Variants in ZHX2 observed in about 807,000 individuals in gnomAD.
ZHX2 encodes zinc fingers and homeoboxes 2, also known as zinc fingers and homeoboxes protein 2.
ZHX2 carries 6 observed loss-of-function variants against 21.9 expected under a neutral mutation model. The ratio of observed to expected loss-of-function variants is 0.27; its 90% CI spans 0.15 to 0.54. ZHX2 has a LOEUF of 0.54. Ranked by LOEUF, ZHX2 falls within the 20% of genes least tolerant of loss-of-function variation. The pLI is 0.95. For missense variants in ZHX2, 908 were observed against 1,090.7 expected (o/e 0.83, Z 2.36); for synonymous variants, 434 against 437.1 (o/e 0.99, Z 0.09).
In ZHX2 at chr8:122,973,772, A is replaced by G. The variant is rs1384245671; in HGVS notation, c.*535A>G. On this transcript the variant is annotated 3_prime_UTR_variant, in exon 4 of 4. Transcript: ENST00000314393. Reference sequence around the variant, plus strand: ...TTTTAAAGGTAGGTTGAAATTTGGGAGATTTCTCGGCAGGAAGGGCTGAAA... The same window carrying G: ...TTTTAAAGGTAGGTTGAAATTTGGGGGATTTCTCGGCAGGAAGGGCTGAAA... 6.6e-6 allele frequency: 1 copy of G among 152,516 alleles called. No homozygotes were observed. The highest frequency in any genetic ancestry group is 1.5e-5 in the Non-Finnish European group (1 of 68,010). 9.4% of individuals were successfully genotyped at this position (152,516 alleles called of 1,614,324 possible).
At chr8:122,962,684 C>CT (rs1813485588) in intron 3 of ZHX2, among the ~76,000 whole-genome samples, 1 of 152,154 alleles carries the variant, frequency 6.6e-6, no homozygotes, top group Non-Finnish European at 1.5e-5. Context: ...ACTTTTAGTT[C>CT]TTTAAGGACT....
chr8:122,928,609 AC>A (rs1408221264), intron 2 of ZHX2, among the ~76,000 whole-genome samples: 1 of 152,168 alleles, frequency 6.6e-6, no homozygotes, highest in Admixed American at 6.6e-5. Context: ...GGATAAAGAG[AC>A]TTGGGAAGGA....
chr8:122,931,712 C>G (rs1373881304), intron 2 of ZHX2, among the ~76,000 whole-genome samples: 1 of 152,186 alleles, frequency 6.6e-6, no homozygotes, highest in Non-Finnish European at 1.5e-5. Context: ...CTACCAATAC[C>G]TGGCCCTACC....
At chr8:122,826,000 AAAG>A (rs1250596387) in intron 1 of ZHX2, among the ~76,000 whole-genome samples, 1 of 152,188 alleles carries the variant, frequency 6.6e-6, no homozygotes, top group Non-Finnish European at 1.5e-5. Context: ...TCTGCTCAGA[AAAG>A]AAGCCCATTA....
chr8:122,848,912 A>G (rs1300349936), intron 1 of ZHX2, among the ~76,000 whole-genome samples: 1 of 152,204 alleles, frequency 6.6e-6, no homozygotes, highest in Non-Finnish European at 1.5e-5. Flanking sequence ...GACTCTACGC[A>G]GTCCTGAGTG....
intron 1 of ZHX2, among the ~76,000 whole-genome samples, chr8:122,812,384 G>A (rs769696557): frequency 3.9e-5 from 6 of 152,150 alleles, no homozygotes; most frequent in South Asian, 4.1e-4. Flanking sequence ...CTTTCTTTAC[G>A]TGAATGCACT....
chr8:122,926,366 C>T (rs1820852227), intron 2 of ZHX2, among the ~76,000 whole-genome samples: 1 of 152,104 alleles, frequency 6.6e-6, no homozygotes, highest in Non-Finnish European at 1.5e-5. Context: ...TTGTGTGGTT[C>T]CTTAATTAAA....
chr8:122,802,981 G>A (rs955860004), intron 1 of ZHX2, among the ~76,000 whole-genome samples: 3 of 139,728 alleles, frequency 2.1e-5, no homozygotes, highest in Non-Finnish European at 4.6e-5. Context: ...CCCAGTTAGC[G>A]CTCTAGGGGA....
chr8:122,862,166 T>C (rs978897859), intron 1 of ZHX2, among the ~76,000 whole-genome samples: 1 of 152,036 alleles, frequency 6.6e-6, no homozygotes. Flanking sequence ...CTTCCAGGAC[T>C]CCAGTCACCC....
intron 3 of ZHX2, among the ~76,000 whole-genome samples, chr8:122,972,690 A>G (rs1358553671): frequency 6.6e-6 from 1 of 152,228 alleles, no homozygotes. Context: ...ACCATGTGCC[A>G]GGCACTAGTC....
chr8:122,804,139 C>T (rs1817777325), intron 1 of ZHX2, among the ~76,000 whole-genome samples: 1 of 152,092 alleles, frequency 6.6e-6, no homozygotes, highest in Admixed American at 6.6e-5. Context: ...GAGACAGAGG[C>T]TTGCTGTCAC....
chr8:122,891,435 T>C (rs544354896), intron 2 of ZHX2, among the ~76,000 whole-genome samples: 2 of 152,222 alleles, frequency 1.3e-5, no homozygotes, highest in East Asian at 3.9e-4. Context: ...ATTTCTGCTC[T>C]GATCTTTATT....
Position 122,894,709 on chromosome 8 carries a change from A to G in ZHX2, c.-220+31170A>G, listed in dbSNP as rs368041463. On this transcript the variant is annotated intron_variant, in intron 2 of 3. Transcript: ENST00000314393. Reference sequence around the variant, plus strand: ...ATACCTAATGTTAAATGACGAGTTAATGGTTGCAGCACACCAACATGGCAC... The same window carrying G: ...ATACCTAATGTTAAATGACGAGTTAGTGGTTGCAGCACACCAACATGGCAC... 4.6e-5 allele frequency among the ~76,000 whole-genome samples: 7 copies of G among 152,286 alleles called. No homozygotes were observed. The South Asian group carries it at 8.3e-4, about 18-fold the overall frequency.
intron 2 of ZHX2, among the ~76,000 whole-genome samples, chr8:122,893,629 T>C (rs1053452027): frequency 3.9e-5 from 6 of 152,312 alleles, no homozygotes; most frequent in Non-Finnish European, 5.9e-5. Flanking sequence ...AATTGTAATT[T>C]TTACTTTCTT....
At chr8:122,911,427 C>T (rs967443732) in intron 2 of ZHX2, among the ~76,000 whole-genome samples, 12 of 152,082 alleles carry the variant, frequency 7.9e-5, no homozygotes, top group African/African-American at 2.4e-4. Context: ...GCTTCCCCTT[C>T]TCTCCTCCCC....
At chr8:122,903,139 T>G (rs2129951023) in intron 2 of ZHX2, among the ~76,000 whole-genome samples, 1 of 152,346 alleles carries the variant, frequency 6.6e-6, no homozygotes, top group South Asian at 2.1e-4. Context: ...TTAGATATAT[T>G]TATAACTTTG....
intron 1 of ZHX2, among the ~76,000 whole-genome samples, chr8:122,788,139 A>G (rs1029246564): frequency 1.3e-5 from 2 of 152,228 alleles, no homozygotes; most frequent in African/African-American, 4.8e-5. Context: ...AAGAACAGCA[A>G]TAGCCACAGA....
intron 2 of ZHX2, among the ~76,000 whole-genome samples, chr8:122,911,464 G>A (rs1269648243): frequency 6.6e-6 from 1 of 152,190 alleles, no homozygotes; most frequent in African/African-American, 2.4e-5. Context: ...GGCCGGGGCA[G>A]GAGGGGAGAC....
At chr8:122,874,921 C>G (rs1026983776) in intron 2 of ZHX2, among the ~76,000 whole-genome samples, 1 of 151,636 alleles carries the variant, frequency 6.6e-6, no homozygotes, top group African/African-American at 2.4e-5. Context: ...TATGTCCCAG[C>G]TCTATCCCTT....
Sources: allele counts gnomAD v4.1 joint callset (sites outside exome capture counted in the v4.1 genomes callset), GRCh38; gene constraint gnomAD v4.1.1; transcripts MANE v1.5; gene names NCBI Gene and HGNC (gene_info 2026-07-23, HGNC 2026-07-21).